RHEB: variants seen among roughly 807,000 people sequenced by gnomAD.
RHEB encodes the protein Ras homolog, mTORC1 binding, also known as GTP-binding protein Rheb.
Under a neutral mutation model 28.8 loss-of-function variants are expected in RHEB, and 2 were observed. That is an observed-to-expected ratio of 0.07 (90% confidence interval 0.03 to 0.22). The LOEUF (loss-of-function observed/expected upper bound fraction) is 0.22, where lower values mean the gene tolerates loss of function less well. RHEB is among the 10% of genes least tolerant of loss of function. The pLI, the probability that RHEB is intolerant of heterozygous loss-of-function variation, is 1.00. For missense variants in RHEB, 76 were observed against 219.9 expected (o/e 0.35, Z 4.14); for synonymous variants, 69 against 77.3 (o/e 0.89, Z 0.56).
chr7:151,488,743 T>C (rs1802526802), intron 2 of RHEB, among the ~76,000 whole-genome samples: 2 of 152,210 alleles, frequency 1.3e-5, no homozygotes, highest in South Asian at 2.1e-4. Context: ...GAAGTCTTCA[T>C]TATTGAACTG....
intron 1 of RHEB, chr7:151,503,474 G>C: frequency 1.5e-5 from 16 of 1,065,532 alleles, no homozygotes; most frequent in Non-Finnish European, 1.4e-5. Context: ...ACATGAGTCT[G>C]GCAAAACGTG....
intron 3 of RHEB, among the ~76,000 whole-genome samples, chr7:151,480,310 G>C (rs1030225933): frequency 6.6e-6 from 1 of 152,050 alleles, no homozygotes; most frequent in Non-Finnish European, 1.5e-5. Flanking sequence ...TGGATATTAC[G>C]CAGCCTTGGG....
At chr7:151,514,559 T>C (rs1803043713) in intron 1 of RHEB, among the ~76,000 whole-genome samples, 2 of 152,176 alleles carry the variant, frequency 1.3e-5, no homozygotes, top group Admixed American at 6.5e-5. Context: ...CCCTCATACA[T>C]TGCTGATGGG....
At chr7:151,484,539 A>G (rs563096771) in intron 3 of RHEB, among the ~76,000 whole-genome samples, 198 bp downstream of exon 3, 1 of 152,308 alleles carries the variant, frequency 6.6e-6, no homozygotes, top group East Asian at 1.9e-4. Context: ...AAAATGTATC[A>G]AATACCTCAA....
intron 3 of RHEB, among the ~76,000 whole-genome samples, chr7:151,483,958 CAT>C (rs536765373): frequency 2.0e-5 from 3 of 152,206 alleles, no homozygotes; most frequent in Non-Finnish European, 4.4e-5. Flanking sequence ...CATTAACCGA[CAT>C]GTGAATATCC....
At chr7:151,480,609 ACT>A (rs1248563897) in intron 3 of RHEB, among the ~76,000 whole-genome samples, 1 of 152,124 alleles carries the variant, frequency 6.6e-6, no homozygotes, top group Non-Finnish European at 1.5e-5. Flanking sequence ...TAAAAATTAA[ACT>A]CAATTTTCAA....
rs78668256 is a variant in RHEB, at chr7:151,483,965, A to T, written c.192+772T>A. ...CCCTGCTACATTAACCGACATGTGAATATCCTTTCTGGGGGGATTATTTGA... is the reference window on the plus strand; with the variant it reads ...CCCTGCTACATTAACCGACATGTGATTATCCTTTCTGGGGGGATTATTTGA... On this transcript the variant is annotated intron_variant, in intron 3 of 7. Transcript: ENST00000262187. 1.9e-4 allele frequency among the ~76,000 whole-genome samples: 29 copies of T among 152,282 alleles called. No individual in the cohort carries two copies. In the East Asian group the frequency reaches 2.5e-3, roughly 13 times the overall value.
chr7:151,516,802 G>C (rs1031716704), intron 1 of RHEB, among the ~76,000 whole-genome samples: 9 of 152,046 alleles, frequency 5.9e-5, no homozygotes, highest in Non-Finnish European at 1.3e-4. Flanking sequence ...GAAAGGTGTG[G>C]AGGCTTTTTA....
chr7:151,501,954 C>T (rs866650972), intron 1 of RHEB: 3 of 676,068 alleles, frequency 4.4e-6, no homozygotes, highest in Middle Eastern at 3.4e-4. Flanking sequence ...AGCTTGGAGG[C>T]GGGCTGGGCG....
chr7:151,478,322 T>C (rs1478885043), intron 3 of RHEB, among the ~76,000 whole-genome samples: 4 of 151,478 alleles, frequency 2.6e-5, no homozygotes, highest in African/African-American at 9.7e-5. Flanking sequence ...TGTAAACTTA[T>C]AGTATGGTTA....
intron 1 of RHEB, chr7:151,503,288 C>CTAA: frequency 1.3e-6 from 1 of 794,114 alleles, no homozygotes; most frequent in Non-Finnish European, 2.3e-6. Flanking sequence ...GAATGGTTTG[C>CTAA]TAACAACTAT....
intron 1 of RHEB, among the ~76,000 whole-genome samples, chr7:151,511,928 G>A (rs1563102180): frequency 6.6e-6 from 1 of 152,230 alleles, no homozygotes; most frequent in Non-Finnish European, 1.5e-5. Context: ...TGGAATTATA[G>A]GCGAGAGCCA....
rs1262082627 is a variant in RHEB at position 151,468,634 on chromosome 7, C to T, written c.463-1423G>A. ...TTGTTTTACACACTTCACTGGAAAA[C>T]AGAAGCCACATTCATGAAAGAACTC... On this transcript the variant is annotated intron_variant, in intron 7 of 7. Coordinates refer to ENST00000262187, the MANE Select transcript of RHEB (RefSeq NM_005614.4). This position sits in a 1 kb window ranked among gnomAD's most constrained non-coding sequence, Gnocchi z 4.3. Among the ~76,000 whole-genome samples, 1 of 152,256 alleles carries T rather than the reference C, an allele frequency of 6.6e-6. No homozygotes were observed. Among genetic ancestry groups the T allele is most frequent in the Non-Finnish European group, 1.5e-5 (1 of 68,044 alleles).
chr7:151,519,433 G>A lies in RHEB; in HGVS notation c.52+27C>T, dbSNP rs777524253. The A allele has an allele frequency of 7.2e-6, 10 of 1,397,610 alleles. No individual in the cohort carries two copies. In the East Asian group the frequency reaches 2.2e-4, roughly 31 times the overall value. The allele number at this position is 1,397,610 out of a possible 1,614,324, so 86.6% of individuals were successfully genotyped here. A position where few individuals can be genotyped will look rare whatever the true frequency, so the allele number is the denominator to read the frequency against. ...CCAGGCGAGGCCCCGGCGGCGCGAG[G>A]AGGCCGCGCGGCCACCGGCCACTCA... On this transcript the variant is annotated intron_variant, in intron 1 of 7. Coordinates refer to ENST00000262187, the MANE Select transcript of RHEB (RefSeq NM_005614.4).
chr7:151,498,236 G>C, intron 1 of RHEB: 1 of 970,538 alleles, frequency 1.0e-6, no homozygotes. Flanking sequence ...AATTAAGGAA[G>C]AGGAAGAGAA....
chr7:151,519,322 G>A, intron 1 of RHEB, 138 bp downstream of exon 1: 1 of 500,080 alleles, frequency 2.0e-6, no homozygotes, highest in Non-Finnish European at 2.9e-6. Flanking sequence ...GCTCAGAATG[G>A]TGGTTACGAA....
chr7:151,483,563 A>G (rs1802415287), intron 3 of RHEB, among the ~76,000 whole-genome samples: 1 of 152,182 alleles, frequency 6.6e-6, no homozygotes. Flanking sequence ...TACTAAAAAT[A>G]CAAAATTAGC....
chr7:151,479,496 C>T (rs1268438023), intron 3 of RHEB, among the ~76,000 whole-genome samples: 2 of 152,054 alleles, frequency 1.3e-5, no homozygotes, highest in Non-Finnish European at 2.9e-5. Flanking sequence ...TCCTGGCTAA[C>T]ACAGTGAAAC....
chr7:151,488,605 G>A (rs575631146), intron 2 of RHEB, among the ~76,000 whole-genome samples: 184 of 152,348 alleles, frequency 1.2e-3, no homozygotes, highest in Non-Finnish European at 1.6e-3. Flanking sequence ...GTTATCAGAA[G>A]TGTGGTAAGT....
Sources: gnomAD v4.1 joint callset for allele counts (sites outside exome capture counted in the v4.1 genomes callset) on GRCh38, gnomAD v4.1.1 for gene constraint, Gnocchi (gnomAD v3.1) non-coding constraint, MANE v1.5 for transcripts, NCBI Gene and HGNC (gene_info 2026-07-23, HGNC 2026-07-21) for gene names.